GMPPB: variants seen among roughly 807,000 people sequenced by gnomAD.
GMPPB encodes GDP-mannose pyrophosphorylase B, also known as mannose-1-phosphate guanylyltransferase catalytic subunit beta.
Under a neutral mutation model 40.3 loss-of-function variants are expected in GMPPB, and 38 were observed. The ratio of observed to expected loss-of-function variants is 0.94; its 90% CI spans 0.73 to 1.24. The LOEUF (loss-of-function observed/expected upper bound fraction) is 1.24, where lower values mean the gene tolerates loss of function less well. GMPPB is among the 50% of genes most tolerant of loss of function. The pLI is 0.00. For missense variants in GMPPB, 436 were observed against 487.1 expected (o/e 0.90, Z 0.99); for synonymous variants, 193 against 191.8 (o/e 1.01, Z -0.05).
intron 8 of GMPPB, 21 bp downstream of exon 8, chr3:49,721,944 C>G (rs2080418378): frequency 1.3e-6 from 2 of 1,590,980 alleles, no homozygotes; most frequent in Non-Finnish European, 1.7e-6. Context: ...TCTCCCCACC[C>G]AGCCCAGCCC....
At chr3:49,722,776 TC>T in intron 4 of GMPPB, 22 bp from the exon 5 acceptor site, 1 of 1,601,564 alleles carries the variant, frequency 6.2e-7, no homozygotes, top group African/African-American at 1.3e-5. Flanking sequence ...GAAGGGGACC[TC>T]GGACCTAGTC....
In GMPPB at chr3:49,722,607, G is replaced by C. The variant is rs756092989; in HGVS notation, c.550C>G (p.Gln184Glu). 1.2e-6 allele frequency: 2 copies of C among 1,613,950 alleles called. No homozygotes were observed. Among genetic ancestry groups the C allele is most frequent in the South Asian group, 1.1e-5 (1 of 91,080 alleles). The stretch of plus-strand genomic sequence containing the variant: ...TGTCTCCTACACACCTGGATGCGCT[G>C]CAGCACTGCAGGGCTCAGGATGTAC... Reference protein sequence around the residue: ...GMYILSPAVLQRIQLQPTSIE... With the variant: ...GMYILSPAVLERIQLQPTSIE... The change falls in exon 5 of 9, where the codon CAG becomes GAG. Residue 184 changes from glutamine to glutamate, a missense_variant. Gln to Glu is a conservative substitution (Grantham distance 29). Coordinates refer to ENST00000308388, the MANE Select transcript of GMPPB (RefSeq NM_021971.4).
chr3:49,723,190 G>C, intron 3 of GMPPB, 64 bp downstream of exon 3: 1 of 1,610,800 alleles, frequency 6.2e-7, no homozygotes, highest in Non-Finnish European at 8.5e-7. Flanking sequence ...CCCACTCCAG[G>C]CTGGGTCTTA....
Position 49,721,823 on chromosome 3 carries a change from G to T in GMPPB, c.1012C>A (p.Leu338Ile). ...EDVIVNDELY[L>I]NGASVLPHKS... ...TGGGGCAGCACGCTGGCTCCGTTGA[G>T]GTAGAGCTCATCATTAACTATGACG... Residue 338 changes from leucine (L) to isoleucine (I), a missense_variant, in exon 9 of 9, where the codon CTC becomes ATC. Coordinates refer to ENST00000308388, the MANE Select transcript of GMPPB (RefSeq NM_021971.4). The T allele has an allele frequency of 6.2e-7, 1 of 1,613,490 alleles. No homozygotes were observed. Among genetic ancestry groups the T allele is most frequent in the Non-Finnish European group, 8.5e-7 (1 of 1,179,974 alleles).
At chr3:49,721,929 G>GCCCCTCTCCCCA (rs774166435) in intron 8 of GMPPB, 36 bp downstream of exon 8, 4 of 1,613,264 alleles carry the variant, frequency 2.5e-6, no homozygotes, top group Non-Finnish European at 3.4e-6. Flanking sequence ...CACACTCCCC[G>GCCCCTCTCCCCA]CCCCTCTCCC....
chr3:49,720,502 C>T lies in GMPPB; in HGVS notation c.*1250G>A, dbSNP rs559234096. The T allele has an allele frequency of 4.5e-5, 70 of 1,554,526 alleles. No individual in the cohort carries two copies. In the South Asian group the frequency reaches 7.8e-4, roughly 17 times the overall value. On this transcript the variant is annotated 3_prime_UTR_variant, in exon 9 of 9. Transcript: ENST00000308388. ...CCTTCTGACTGCCCTTGCACCCTCC[C>T]CTACCTAGGAGAGAGCAAGCCACAT...
At position 49,721,038 on chromosome 3, in the gene GMPPB, C is replaced by T; in HGVS notation, c.*714G>A. On this transcript the variant is annotated 3_prime_UTR_variant, in exon 9 of 9. Transcript: ENST00000308388. ...CCTGCAGCCCACCAGTGAGGAGGACCTCTGCCCCATCTGCTATGCCCACCC... is the reference window on the plus strand; with the variant it reads ...CCTGCAGCCCACCAGTGAGGAGGACTTCTGCCCCATCTGCTATGCCCACCC... The T allele has an allele frequency of 1.9e-6, 3 of 1,613,224 alleles. No homozygotes were observed. In the South Asian group the frequency reaches 3.3e-5, roughly 18 times the overall value.
Position 49,720,453 on chromosome 3 carries a change from A to G in GMPPB, c.*1299T>C. 5 of 1,493,792 alleles carry G rather than the reference A, an allele frequency of 3.3e-6. No homozygotes were observed. In the South Asian group the frequency reaches 4.1e-5, roughly 12 times the overall value. The allele number at this position is 1,493,792 out of a possible 1,614,324, so 92.5% of individuals were successfully genotyped here. A position where few individuals can be genotyped will look rare whatever the true frequency, so the allele number is the denominator to read the frequency against. On this transcript the variant is annotated 3_prime_UTR_variant, in exon 9 of 9. Coordinates refer to ENST00000308388, the MANE Select transcript of GMPPB (RefSeq NM_021971.4). ...GGCACTCCTCATTGGCAATCCCAAG[A>G]GAGACTTTTAGCCAGGCCCCAAGCC... is the stretch of plus-strand genomic sequence containing the variant.
At position 49,722,760 on chromosome 3, in the gene GMPPB, T is replaced by C. The variant is rs377689496; in HGVS notation, c.403-6A>G. ...GGTTCCTCCACCTTGGTCACCTGAA[T>C]GCAAGGAAGGGGACCTCGGACCTAG... On this transcript the variant is annotated splice_region_variant and splice_polypyrimidine_tract_variant and intron_variant, in intron 4 of 8. Transcript: ENST00000308388. 24 of 1,609,080 alleles carry C rather than the reference T, an allele frequency of 1.5e-5. No individual in the cohort carries two copies. The African/African-American group carries it at 3.1e-4, about 21-fold the overall frequency.
Position 49,721,989 on chromosome 3 carries a change from G to T in GMPPB, c.927C>A (p.Gly309=), listed in dbSNP as rs2080420020. 9.2e-6 allele frequency: 13 copies of T among 1,411,612 alleles called. No homozygotes were observed. Among genetic ancestry groups the T allele is most frequent in the Non-Finnish European group, 1.1e-5 (12 of 1,053,376 alleles). The allele number at this position is 1,411,612 out of a possible 1,614,324, so 87.4% of individuals were successfully genotyped here. The change falls in exon 8 of 9, where the codon GGC becomes GGA. Residue 309 remains glycine (G), a synonymous_variant. Transcript: ENST00000308388. Reference sequence around the variant, plus strand: ...CCCACTGACCCACGCGGCAGCGCCAGCCCACAATGCAGGACTCAAGCCAGG... The same window carrying T: ...CCCACTGACCCACGCGGCAGCGCCATCCCACAATGCAGGACTCAAGCCAGG... ...SHSWLESCIV[G]WRCRVGQWVR... is the part of the protein sequence containing the mutation.
intron 4 of GMPPB, 96 bp downstream of exon 4, chr3:49,722,876 T>C (rs1221817102): frequency 1.8e-5 from 28 of 1,515,548 alleles, no homozygotes; most frequent in Non-Finnish European, 2.4e-5. Flanking sequence ...CACAGCTCTG[T>C]ATCCATAACA....
In GMPPB at chr3:49,720,918, G is replaced by A; in HGVS notation, c.*834C>T. ...TGGTGAGTGGGAACACGGTGCACAG[G>A]TCCATGCCACTTGAATATGTGTGCA... On this transcript the variant is annotated 3_prime_UTR_variant, in exon 9 of 9. Transcript: ENST00000308388. 6.2e-7 allele frequency: 1 copy of A among 1,613,128 alleles called. No homozygotes were observed. The highest frequency in any genetic ancestry group is 8.5e-7 in the Non-Finnish European group (1 of 1,179,196).
Position 49,720,466 on chromosome 3 carries a change from C to A in GMPPB, c.*1286G>T. The A allele has an allele frequency of 6.6e-7, 1 of 1,505,346 alleles. No individual in the cohort carries two copies. Among genetic ancestry groups the A allele is most frequent in the Non-Finnish European group, 8.9e-7 (1 of 1,126,020 alleles). The allele number at this position is 1,505,346 out of a possible 1,614,324, so 93.2% of individuals were successfully genotyped here. A position where few individuals can be genotyped will look rare whatever the true frequency, so the allele number is the denominator to read the frequency against. On this transcript the variant is annotated 3_prime_UTR_variant, in exon 9 of 9. Transcript: ENST00000308388. Reference sequence around the variant, plus strand: ...GGCAATCCCAAGAGAGACTTTTAGCCAGGCCCCAAGCCTTCTGACTGCCCT... The same window carrying A: ...GGCAATCCCAAGAGAGACTTTTAGCAAGGCCCCAAGCCTTCTGACTGCCCT...
At position 49,723,632 on chromosome 3, in the gene GMPPB, G is replaced by C; in HGVS notation, c.95C>G (p.Pro32Arg). Residue 32 changes from proline (P) to arginine (R), a missense_variant, in exon 1 of 9, where the codon CCC becomes CGC. Pro to Arg is a moderately radical substitution (Grantham distance 103, BLOSUM62 -2). Coordinates refer to ENST00000308388, the MANE Select transcript of GMPPB (RefSeq NM_021971.4). ...CGCCTCCACTTGGTGCAGCAAGATG[G>C]GCTTATTGCAGAAGTCCACCAGTGG... ...PKPLVDFCNK[P>R]ILLHQVEALA... 1 of 1,584,462 alleles carries C rather than the reference G, an allele frequency of 6.3e-7. No homozygotes were observed. The highest frequency in any genetic ancestry group is 8.6e-7 in the Non-Finnish European group (1 of 1,165,358).
At position 49,721,266 on chromosome 3, in the gene GMPPB, G is replaced by A. The variant is rs768685100; in HGVS notation, c.*486C>T. 2 of 1,614,216 alleles carry A rather than the reference G, an allele frequency of 1.2e-6. No homozygotes were observed. Among genetic ancestry groups the A allele is most frequent in the Admixed American group, 3.3e-5 (2 of 60,032 alleles). On this transcript the variant is annotated 3_prime_UTR_variant, in exon 9 of 9. Coordinates refer to ENST00000308388, the MANE Select transcript of GMPPB (RefSeq NM_021971.4). ...CCATCGTGTCTGTAGAGGACTGGGA[G>A]AAGGGAGCCAATACGAGTACTACCT...
In GMPPB at chr3:49,723,871, G is replaced by C; in HGVS notation, c.-145C>G. On this transcript the variant is annotated 5_prime_UTR_variant, in exon 1 of 9. Transcript: ENST00000308388. ...GACAGACTCTGGCTCCACCTCGTCC[G>C]CCCGGTCGCCCTGACGCCGGATCCA... 1.1e-5 allele frequency: 10 copies of C among 917,850 alleles called. No homozygotes were observed. Among genetic ancestry groups the C allele is most frequent in the Non-Finnish European group, 1.6e-5 (10 of 638,738 alleles). The allele number at this position is 917,850 out of a possible 1,614,324, so 56.9% of individuals were successfully genotyped here.
rs1295702633 is a variant in GMPPB at position 49,721,432 on chromosome 3, T to C, written c.*320A>G. 7.8e-7 allele frequency: 1 copy of C among 1,286,440 alleles called. No homozygotes were observed. The allele number at this position is 1,286,440 out of a possible 1,614,324, so 79.7% of individuals were successfully genotyped here. A position where few individuals can be genotyped will look rare whatever the true frequency, so the allele number is the denominator to read the frequency against. ...ACCACATCCAACCTCCTTGCCTGCC[T>C]GTATCCTCATTGGTGGGAGCCCAGC... is the stretch of plus-strand genomic sequence containing the variant. On this transcript the variant is annotated 3_prime_UTR_variant, in exon 9 of 9. Coordinates refer to ENST00000308388, the MANE Select transcript of GMPPB (RefSeq NM_021971.4).
rs756215708 is a variant in GMPPB at position 49,722,680 on chromosome 3, G to A, written c.477C>T (p.Phe159=). The change falls in exon 5 of 9, where the codon TTC becomes TTT. Residue 159 remains phenylalanine, a synonymous_variant. Transcript: ENST00000308388. ...ACACAAACACCTGTGGCTTCTCCAC[G>A]AACCGGTGAATGCGGCCTGTGTCAG... ...CEADTGRIHR[F]VEKPQVFVSN... 43 of 1,613,764 alleles carry A rather than the reference G, an allele frequency of 2.7e-5. No individual in the cohort carries two copies. In the South Asian group the frequency reaches 3.4e-4, roughly 13 times the overall value.
At position 49,720,317 on chromosome 3, in the gene GMPPB, G is replaced by GGA; in HGVS notation, c.*1434_*1435insTC. On this transcript the variant is annotated 3_prime_UTR_variant, in exon 9 of 9. Transcript: ENST00000308388. Reference sequence around the variant, plus strand: ...GGCAACAGAGCGAGACTCGTCTCAAGAAAAAAAAAAAAAAAACAGGCTGTG... The same window carrying GGA: ...GGCAACAGAGCGAGACTCGTCTCAAGGAAAAAAAAAAAAAAAAACAGGCTGTG... The GGA allele has an allele frequency of 5.8e-6, 2 of 345,012 alleles. No homozygotes were observed. The highest frequency in any genetic ancestry group is 8.6e-5 in the East Asian group (2 of 23,192). 21.4% of individuals were successfully genotyped at this position (345,012 alleles called of 1,614,324 possible). A position where few individuals can be genotyped will look rare whatever the true frequency, so the allele number is the denominator to read the frequency against.
Sources: allele counts gnomAD v4.1 joint callset, GRCh38; gene constraint gnomAD v4.1.1; transcripts MANE v1.5; gene names NCBI Gene and HGNC (gene_info 2026-07-23, HGNC 2026-07-21).